FN1: variants seen among roughly 807,000 people sequenced by gnomAD.
The protein encoded by FN1 is fibronectin 1, also known as fibronectin.
A neutral mutation model predicts 297.3 loss-of-function variants in FN1; 106 were observed. The ratio of observed to expected loss-of-function variants is 0.36; its 90% confidence interval spans 0.30 to 0.42. FN1 has a LOEUF of 0.42. Ranked by LOEUF, FN1 falls within the 10% of genes least tolerant of loss-of-function variation. The pLI, the probability that FN1 is intolerant of heterozygous loss-of-function variation, is 1.00. For synonymous variants in FN1, 1,149 were observed against 1,152.6 expected (o/e 1.00, Z 0.06); for missense variants, 2,690 against 3,124.9 (o/e 0.86, Z 3.32).
At chr2:215,396,722 C>T (rs2060350363) in intron 23 of FN1, among the ~76,000 whole-genome samples, 2 of 152,172 alleles carry the variant, frequency 1.3e-5, no homozygotes, top group African/African-American at 4.8e-5. Flanking sequence ...ATTTGTGGTG[C>T]AACCCATGAC....
At chr2:215,362,266 A>C in intron 44 of FN1, 187 bp from the exon 45 acceptor site, 1 of 621,656 alleles carries the variant, frequency 1.6e-6, no homozygotes, top group East Asian at 2.9e-5. Flanking sequence ...GCTTATTACC[A>C]TATCTTATAC....
In FN1 at chr2:215,386,958, C is replaced by CCCCCAA; in HGVS notation, c.4343-1_4343insTTGGGG (p.Thr1447_Gly1448insValGly). Reference sequence around the variant, plus strand: ...GTCAATGCCAGTTGGGGAATCAAGACCTGTTTTTCCCACCCGGGGGAGGAA... The same window carrying CCCCCAA: ...GTCAATGCCAGTTGGGGAATCAAGACCCCCAACTGTTTTTCCCACCCGGGGGAGGAA... On this transcript the variant is annotated inframe_insertion and splice_region_variant. Transcript: ENST00000354785. The CCCCCAA allele has an allele frequency of 6.2e-7, 1 of 1,610,088 alleles. No homozygotes were observed.
rs797018094 is a variant in FN1, at chr2:215,367,740, T to C, written c.7018+123A>G. 4 of 941,276 alleles carry C rather than the reference T, an allele frequency of 4.2e-6. No individual in the cohort carries two copies. In the East Asian group the frequency reaches 7.7e-5, roughly 18 times the overall value. 58.3% of individuals were successfully genotyped at this position (941,276 alleles called of 1,614,324 possible). The stretch of plus-strand genomic sequence containing the variant: ...AATATTACTTCGAGTCAAACAGTAT[T>C]CTCTTGTTTGCTTCATGTTTGGAAG... On this transcript the variant is annotated intron_variant, in intron 42 of 45. Transcript: ENST00000354785.
chr2:215,361,857 A>AGTT, intron 45 of FN1, 112 bp downstream of exon 45: 11 of 1,373,868 alleles, frequency 8.0e-6, no homozygotes, highest in Non-Finnish European at 1.1e-5. Flanking sequence ...GTCATTTATG[A>AGTT]GTTGTTTTTT....
rs5838511 is a variant in FN1 at position 215,410,130 on chromosome 2, A to AACACAC, written c.1942-22_1942-17dup. 5.3e-4 allele frequency: 759 copies of AACACAC among 1,423,256 alleles called. No homozygotes were observed. The highest frequency in any genetic ancestry group is 1.7e-3 in the African/African-American group (118 of 71,292). 88.2% of individuals were successfully genotyped at this position (1,423,256 alleles called of 1,614,324 possible). A position where few individuals can be genotyped will look rare whatever the true frequency, so the allele number is the denominator to read the frequency against. On this transcript the variant is annotated splice_polypyrimidine_tract_variant and intron_variant, in intron 13 of 45. Coordinates refer to ENST00000354785, the MANE Select transcript of FN1 (RefSeq NM_212482.4). Reference sequence around the variant, plus strand: ...CAGAATTTTTCTGAAAATTTAAATTAACACACACACACACACACACACGTG... The same window carrying AACACAC: ...CAGAATTTTTCTGAAAATTTAAATTAACACACACACACACACACACACACACACGTG...
At position 215,367,951 on chromosome 2, in the gene FN1, A is replaced by C. The variant is rs1461871561; in HGVS notation, c.6930T>G (p.Asp2310Glu). ...CTGATTCAGACATTCGTTCCCACTC[A>C]TCTCCAACGGCATAATGGGAAACTG... ...PYTVSHYAVGDEWERMSESGF... is the reference protein window; with the variant it reads ...PYTVSHYAVGEEWERMSESGF... Residue 2310 changes from aspartate to glutamate, a missense_variant, in exon 42 of 46, where the codon GAT becomes GAG. By Grantham distance (45) the Asp-to-Glu change is conservative. Transcript: ENST00000354785. 2.5e-6 allele frequency: 4 copies of C among 1,614,094 alleles called. No individual in the cohort carries two copies. Among genetic ancestry groups the C allele is most frequent in the Non-Finnish European group, 3.4e-6 (4 of 1,179,954 alleles).
At chr2:215,381,151 A>G in intron 32 of FN1, 71 bp from the exon 33 acceptor site, 1 of 1,508,900 alleles carries the variant, frequency 6.6e-7, no homozygotes, top group South Asian at 1.1e-5. Flanking sequence ...TATAACATGC[A>G]AAGCAGTTTT....
intron 32 of FN1, chr2:215,381,598 T>C (rs1006580730): frequency 4.3e-5 from 9 of 210,856 alleles, no homozygotes; most frequent in Middle Eastern, 2.0e-3. Flanking sequence ...CTCAGCCTCC[T>C]GAGTAGCTGG....
chr2:215,406,247 G>T lies in FN1; in HGVS notation c.2977C>A (p.Gln993Lys). 6.2e-7 allele frequency: 1 copy of T among 1,614,110 alleles called. No homozygotes were observed. The highest frequency in any genetic ancestry group is 8.5e-7 in the Non-Finnish European group (1 of 1,179,952). The change falls in exon 19 of 46, where the codon CAG becomes AAG. Residue 993 changes from glutamine to lysine, a missense_variant. Physicochemically the swap from Gln to Lys is moderately conservative, Grantham distance 53. This residue lies in a region of FN1 where 1,743 missense variants were observed against 1,945.2 expected (regional missense o/e 0.90). Coordinates refer to ENST00000354785, the MANE Select transcript of FN1 (RefSeq NM_212482.4). ...ATAGGAGAAGACATACTGGTTGTCT[G>T]TTGAGCAGTCAGAGGCTTGCTCTCC... ...GRESKPLTAQ[Q>K]TTKLDAPTNL...
intron 30 of FN1, 22 bp downstream of exon 30, chr2:215,383,998 A>G (rs776329676): frequency 1.2e-6 from 2 of 1,613,082 alleles, no homozygotes; most frequent in South Asian, 2.2e-5. Context: ...AGCTGGTGTC[A>G]CCCCAGAGTA....
chr2:215,424,993 G>T, intron 7 of FN1, 101 bp downstream of exon 7: 1 of 1,066,150 alleles, frequency 9.4e-7, no homozygotes, highest in Non-Finnish European at 1.5e-6. Flanking sequence ...TAAGATTACA[G>T]GCTTCTTGTT....
At chr2:215,411,300 A>G (rs2106316230) in intron 13 of FN1, among the ~76,000 whole-genome samples, 1 of 152,368 alleles carries the variant, frequency 6.6e-6, no homozygotes, top group Non-Finnish European at 1.5e-5. Context: ...AAACTAATAT[A>G]AGTCAAAATA....
chr2:215,366,913 T>C (rs2054744610), intron 42 of FN1, among the ~76,000 whole-genome samples: 1 of 152,238 alleles, frequency 6.6e-6, no homozygotes, highest in Non-Finnish European at 1.5e-5. Flanking sequence ...TGTGATGTTT[T>C]TAGTGTTTTT....
chr2:215,414,157 A>C (rs977769581), intron 13 of FN1, among the ~76,000 whole-genome samples: 3 of 152,234 alleles, frequency 2.0e-5, no homozygotes, highest in African/African-American at 7.2e-5. Context: ...ATTATGAGCC[A>C]TGAACTTTGG....
intron 2 of FN1, 96 bp downstream of exon 2, chr2:215,434,600 A>T: frequency 1.4e-6 from 2 of 1,400,796 alleles, no homozygotes; most frequent in Non-Finnish European, 2.0e-6. Context: ...TTCTATTAGA[A>T]AAATGGTGTA....
chr2:215,433,013 T>A (rs2066792071), intron 3 of FN1, among the ~76,000 whole-genome samples: 1 of 152,052 alleles, frequency 6.6e-6, no homozygotes, highest in Admixed American at 6.6e-5. Flanking sequence ...AATGGGCAAC[T>A]CCCCTAAGCA....
chr2:215,404,420 C>T lies in FN1; in HGVS notation c.3222G>A (p.Glu1074=), dbSNP rs749373020. The part of the protein sequence containing the change: ...VSLVAIKGNQ[E]SPKATGVFTT... Reference sequence around the variant, plus strand: ...TAAAGACTCCAGTGGCTTTGGGGCTCTCTTGGTTGCCCTTTATGGCCACGA... The same window carrying T: ...TAAAGACTCCAGTGGCTTTGGGGCTTTCTTGGTTGCCCTTTATGGCCACGA... The change falls in exon 20 of 46, where the codon GAG becomes GAA. Residue 1074 remains glutamate, a synonymous_variant. Transcript: ENST00000354785. 6.2e-7 allele frequency: 1 copy of T among 1,613,966 alleles called. No individual in the cohort carries two copies. The highest frequency in any genetic ancestry group is 1.1e-5 in the South Asian group (1 of 91,074).
At chr2:215,372,593 T>C in intron 39 of FN1, 2 of 591,564 alleles carry the variant, frequency 3.4e-6, no homozygotes, top group South Asian at 3.9e-5. Context: ...AAAAAAGTGT[T>C]AGTATGAATT....
chr2:215,364,038 C>T (rs1450997218), intron 44 of FN1, among the ~76,000 whole-genome samples: 3 of 152,208 alleles, frequency 2.0e-5, no homozygotes, highest in East Asian at 1.9e-4. Context: ...CCTTAGTCAT[C>T]GTAAACCTCA....
Sources: gnomAD v4.1 joint callset for allele counts (sites outside exome capture counted in the v4.1 genomes callset) on GRCh38, gnomAD v4.1.1 for gene constraint, gnomAD v4.1.1 regional missense constraint, MANE v1.5 for transcripts, NCBI Gene and HGNC (gene_info 2026-07-23, HGNC 2026-07-21) for gene names.